TMEM9B: variants seen among roughly 807,000 people sequenced by gnomAD.
TMEM9B encodes transmembrane protein 9B.
A neutral mutation model predicts 23.5 loss-of-function variants in TMEM9B; 8 were observed. The observed-to-expected ratio is 0.34, with a 90% CI of 0.20 to 0.61. TMEM9B has a LOEUF of 0.61. TMEM9B is among the 20% of genes least tolerant of loss of function. The probability of loss-of-function intolerance (pLI) is 0.78; values close to 1 mark genes in which losing one functional copy is unlikely to be tolerated. For missense variants in TMEM9B, 197 were observed against 252.3 expected (o/e 0.78, Z 1.49); for synonymous variants, 106 against 96.3 (o/e 1.10, Z -0.59).
chr11:8,963,935 T>C (rs548425270), intron 1 of TMEM9B: 1 of 484,772 alleles, frequency 2.1e-6, no homozygotes, highest in East Asian at 3.7e-5. Context: ...AGGGAAATGT[T>C]AAGGCGGTGG....
intron 3 of TMEM9B, 119 bp downstream of exon 3, chr11:8,956,071 G>T: frequency 1.4e-6 from 1 of 733,106 alleles, no homozygotes; most frequent in Non-Finnish European, 2.2e-6. Flanking sequence ...GGCAGAACAG[G>T]CCCATTATTC....
chr11:8,959,688 AC>A (rs1040931373), intron 2 of TMEM9B, among the ~76,000 whole-genome samples: 1 of 152,194 alleles, frequency 6.6e-6, no homozygotes, highest in Non-Finnish European at 1.5e-5. Context: ...ATTTTGGCTG[AC>A]CAGTCATTAC....
chr11:8,950,710 T>C (rs1566121255), intron 4 of TMEM9B, among the ~76,000 whole-genome samples: 1 of 152,226 alleles, frequency 6.6e-6, no homozygotes, highest in Admixed American at 6.5e-5. Flanking sequence ...TTTACTGTAA[T>C]GCTTTGGTAA....
intron 2 of TMEM9B, 67 bp from the exon 3 acceptor site, chr11:8,956,365 T>C (rs1416206972): frequency 1.5e-6 from 2 of 1,311,688 alleles, no homozygotes; most frequent in Non-Finnish European, 2.1e-6. Context: ...GACCAAAAGT[T>C]TCCTGAAATC....
intron 1 of TMEM9B, chr11:8,963,890 T>G (rs565805330): frequency 2.8e-6 from 1 of 351,702 alleles, no homozygotes; most frequent in African/African-American, 2.2e-5. Flanking sequence ...GTGAAAAGGT[T>G]GTCAAGTGTA....
At position 8,947,209 on chromosome 11, in the gene TMEM9B, C is replaced by T. The variant is rs1439085777; in HGVS notation, c.*1111G>A. ...AAAACAGTAGTCTCAGAACAGGGTA[C>T]AAAATGTCTTTATATCTTCAATCTC... On this transcript the variant is annotated 3_prime_UTR_variant, in exon 5 of 5. Coordinates refer to ENST00000534025, the MANE Select transcript of TMEM9B (RefSeq NM_020644.3). The T allele has an allele frequency of 6.6e-6, 1 of 152,466 alleles. No homozygotes were observed. Among genetic ancestry groups the T allele is most frequent in the Non-Finnish European group, 1.5e-5 (1 of 68,014 alleles). 9.4% of individuals were successfully genotyped at this position (152,466 alleles called of 1,614,324 possible). A position where few individuals can be genotyped will look rare whatever the true frequency, so the allele number is the denominator to read the frequency against.
At chr11:8,951,151 ATC>A (rs1295562327) in intron 4 of TMEM9B, among the ~76,000 whole-genome samples, 2 of 152,218 alleles carry the variant, frequency 1.3e-5, no homozygotes, top group African/African-American at 2.4e-5. Flanking sequence ...ACATGTTTTC[ATC>A]TCTACATCCA....
intron 2 of TMEM9B, among the ~76,000 whole-genome samples, chr11:8,956,785 T>C (rs1853982706): frequency 6.6e-6 from 1 of 152,216 alleles, no homozygotes; most frequent in Non-Finnish European, 1.5e-5. Flanking sequence ...AGTGGTGCCA[T>C]CATAGCTCAC....
chr11:8,951,639 T>G (rs1853877520), intron 4 of TMEM9B, among the ~76,000 whole-genome samples: 1 of 151,060 alleles, frequency 6.6e-6, no homozygotes, highest in South Asian at 2.1e-4. Context: ...GCGCCTGTAG[T>G]TCCAGCTACT....
intron 2 of TMEM9B, among the ~76,000 whole-genome samples, 190 bp downstream of exon 2, chr11:8,961,902 T>C (rs1310224974): frequency 3.9e-5 from 6 of 152,198 alleles, no homozygotes; most frequent in Non-Finnish European, 8.8e-5. Flanking sequence ...TTTGGCTGTA[T>C]ACCTTTAGGC....
At chr11:8,950,584 C>T (rs183131294) in intron 4 of TMEM9B, among the ~76,000 whole-genome samples, 2 of 152,342 alleles carry the variant, frequency 1.3e-5, no homozygotes, top group East Asian at 1.9e-4. Flanking sequence ...TCCATCAGAA[C>T]GAGATTGAAC....
intron 1 of TMEM9B, 102 bp from the exon 2 acceptor site, chr11:8,962,285 C>T: frequency 1.5e-6 from 1 of 688,038 alleles, no homozygotes; most frequent in Non-Finnish European, 2.4e-6. Context: ...TTTAGAATAC[C>T]AAGTATTCTA....
At chr11:8,961,053 G>T (rs1205809163) in intron 2 of TMEM9B, among the ~76,000 whole-genome samples, 2 of 143,556 alleles carry the variant, frequency 1.4e-5, no homozygotes, top group African/African-American at 4.9e-5. Context: ...CAAATCGCTT[G>T]GTTAATATGA....
intron 1 of TMEM9B, among the ~76,000 whole-genome samples, chr11:8,963,522 G>T (rs1272939427): frequency 2.0e-5 from 3 of 152,178 alleles, no homozygotes; most frequent in Non-Finnish European, 4.4e-5. Flanking sequence ...AACCAGGGAG[G>T]CCACAACCTC....
intron 4 of TMEM9B, among the ~76,000 whole-genome samples, chr11:8,949,747 C>T (rs1589943144): frequency 6.6e-6 from 1 of 152,098 alleles, no homozygotes; most frequent in East Asian, 1.9e-4. Flanking sequence ...TCCTCCTCTT[C>T]TTTGTCAAAA....
intron 3 of TMEM9B, among the ~76,000 whole-genome samples, chr11:8,955,150 C>CAAAAAA (rs10666258): frequency 1.0e-4 from 13 of 128,230 alleles, no homozygotes; most frequent in African/African-American, 1.5e-4. Flanking sequence ...GACTCCATCT[C>CAAAAAA]AAAAAAAAAA....
At chr11:8,963,890 T>C in intron 1 of TMEM9B, 1 of 351,702 alleles carries the variant, frequency 2.8e-6, no homozygotes, top group Non-Finnish European at 5.2e-6. Context: ...GTGAAAAGGT[T>C]GTCAAGTGTA....
At chr11:8,954,826 C>CT (rs1357675352) in intron 3 of TMEM9B, among the ~76,000 whole-genome samples, 2 of 152,020 alleles carry the variant, frequency 1.3e-5, no homozygotes, top group African/African-American at 2.4e-5. Flanking sequence ...CCCACAGGGC[C>CT]TTTTGGGGGG....
intron 3 of TMEM9B, 142 bp from the exon 4 acceptor site, chr11:8,953,479 T>C (rs1484697734): frequency 1.2e-6 from 1 of 832,272 alleles, no homozygotes; most frequent in Non-Finnish European, 1.8e-6. Context: ...AGAAATAAAC[T>C]CAACTCTTCA....
Sources: gnomAD v4.1 joint callset for allele counts (sites outside exome capture counted in the v4.1 genomes callset) on GRCh38, gnomAD v4.1.1 for gene constraint, MANE v1.5 for transcripts, NCBI Gene and HGNC (gene_info 2026-07-23, HGNC 2026-07-21) for gene names.